Variants in CXorf38 observed in about 807,000 individuals in gnomAD.
CXorf38 encodes chromosome X open reading frame 38, also known as uncharacterized protein CXorf38.
In CXorf38, 13 loss-of-function variants were observed where a neutral mutation model predicts 27.5. That is an observed-to-expected ratio of 0.47 (90% CI 0.31 to 0.75). CXorf38 has a LOEUF of 0.75. Ranked by LOEUF, CXorf38 falls within the 30% of genes least tolerant of loss-of-function variation. CXorf38 has a pLI of 0.05. For synonymous variants in CXorf38, 100 were observed against 99.8 expected (o/e 1.00, Z -0.01); for missense variants, 240 against 253.2 (o/e 0.95, Z 0.35).
At chrX:40,630,260 G>T in intron 6 of CXorf38, 98 bp from the exon 7 acceptor site, 1 of 135,628 alleles carries the variant, frequency 7.4e-6, no homozygotes, top group Non-Finnish European at 1.5e-5. Flanking sequence ...TTCTCCTTAT[G>T]GAAATTGACT....
At chrX:40,630,804 T>C (rs749530173) in intron 5 of CXorf38, 31 bp from the exon 6 acceptor site, 160 of 1,174,065 alleles carry the variant, frequency 1.4e-4, no homozygotes, top group Non-Finnish European at 1.7e-4. Context: ...ATGTACAGCT[T>C]AGACGATTTT....
rs1009828053 is a variant in CXorf38, at chrX:40,647,374, G to A, written c.147C>T (p.Ala49=). 6.8e-6 allele frequency: 8 copies of A among 1,169,746 alleles called. No homozygotes were observed. The highest frequency in any genetic ancestry group is 1.8e-5 in the African/African-American group (1 of 54,142). Residue 49 remains alanine, a synonymous_variant, in exon 1 of 7, where the codon GCC becomes GCT. Coordinates refer to ENST00000327877, the MANE Select transcript of CXorf38 (RefSeq NM_144970.3). The part of the protein sequence containing the change: ...EVLSFHRGLL[A]AAPGLGPRAV... ...CGCGGGGCCCCAGGCCGGGGGCTGCGGCGAGTAGGCCGCGGTGGAAGGAGA... is the reference window on the plus strand; with the variant it reads ...CGCGGGGCCCCAGGCCGGGGGCTGCAGCGAGTAGGCCGCGGTGGAAGGAGA...
chrX:40,634,009 G>GA (rs893782679), intron 5 of CXorf38, among the ~76,000 whole-genome samples: 14 of 109,542 alleles, frequency 1.3e-4, no homozygotes, highest in Non-Finnish European at 1.7e-4. Context: ...CTCCAAAGCA[G>GA]AAAAAAAAAT....
At chrX:40,646,279 T>TG (rs1369494193) in intron 2 of CXorf38, among the ~76,000 whole-genome samples, 6 of 105,488 alleles carry the variant, frequency 5.7e-5, no homozygotes, top group Admixed American at 3.1e-4. Flanking sequence ...GAGCACAAGC[T>TG]GGCCCAGTGT....
rs1489341745 is a variant in CXorf38 at position 40,628,031 on chromosome X, T to C, written c.*2133A>G. 2 of 112,420 alleles carry C rather than the reference T, an allele frequency of 1.8e-5. No individual in the cohort carries two copies. 9.3% of individuals were successfully genotyped at this position (112,420 alleles called of 1,213,427 possible). On this transcript the variant is annotated 3_prime_UTR_variant, in exon 7 of 7. Coordinates refer to ENST00000327877, the MANE Select transcript of CXorf38 (RefSeq NM_144970.3). ...AGATTCCATTTGATCCCAAGTTTTG[T>C]ACCTCACATCTAGAAGCTCTGAAAT...
chrX:40,644,428 G>C (rs764768492), intron 2 of CXorf38, among the ~76,000 whole-genome samples: 1 of 111,823 alleles, frequency 8.9e-6, no homozygotes, highest in African/African-American at 3.3e-5. Flanking sequence ...AAAAGAAGAG[G>C]AAGTATAGTC....
chrX:40,633,550 C>G (rs763266155), intron 5 of CXorf38, among the ~76,000 whole-genome samples: 1 of 111,542 alleles, frequency 9.0e-6, no homozygotes, highest in Non-Finnish European at 1.9e-5. Flanking sequence ...TAAACAGTAT[C>G]TGTCTGTTTC....
intron 5 of CXorf38, among the ~76,000 whole-genome samples, chrX:40,633,848 T>A (rs1359117976): frequency 9.0e-6 from 1 of 111,437 alleles, no homozygotes; most frequent in Non-Finnish European, 1.9e-5. Context: ...GATTTTTTTT[T>A]AACTCCCAGA....
intron 5 of CXorf38, among the ~76,000 whole-genome samples, chrX:40,635,859 C>T (rs1316136867): frequency 1.8e-5 from 2 of 112,190 alleles, no homozygotes. Context: ...CACCTTCACA[C>T]GACTGCAAGA....
At chrX:40,631,723 A>G (rs899117441) in intron 5 of CXorf38, among the ~76,000 whole-genome samples, 2 of 112,277 alleles carry the variant, frequency 1.8e-5, no homozygotes, top group African/African-American at 6.5e-5. Flanking sequence ...TAAACTGCAG[A>G]GCGTACATCA....
At chrX:40,631,781 C>A (rs946139996) in intron 5 of CXorf38, among the ~76,000 whole-genome samples, 3 of 112,074 alleles carry the variant, frequency 2.7e-5, no homozygotes, top group Non-Finnish European at 5.6e-5. Context: ...CAAATACTCA[C>A]GTTATCGTGA....
At chrX:40,641,131 C>G (rs1928302547) in intron 2 of CXorf38, among the ~76,000 whole-genome samples, 1 of 110,271 alleles carries the variant, frequency 9.1e-6, no homozygotes, top group African/African-American at 3.3e-5. Flanking sequence ...ATGGGAAGAT[C>G]ACTTGAGCCC....
At chrX:40,641,877 T>G (rs1177432568) in intron 2 of CXorf38, among the ~76,000 whole-genome samples, 1 of 111,933 alleles carries the variant, frequency 8.9e-6, no homozygotes, top group Non-Finnish European at 1.9e-5. Context: ...CACTGTCTCT[T>G]CGCTGAGTAG....
At chrX:40,640,356 A>T (rs922950548) in intron 2 of CXorf38, 5 of 235,102 alleles carry the variant, frequency 2.1e-5, no homozygotes, top group Non-Finnish European at 3.9e-5. Context: ...AAAAACAACA[A>T]AAAAAACCTC....
chrX:40,647,130 C>T lies in CXorf38; in HGVS notation c.228G>A (p.Gln76=). ...CSPRARQFQP[Q]CQVCAEWKRE... The stretch of plus-strand genomic sequence containing the variant: ...TTTTCCATTCAGCGCACACCTGACA[C>T]TGAGGCTGAAACTACAGGGGGCGGC... The change falls in exon 2 of 7, where the codon CAG becomes CAA. Residue 76 remains glutamine (Q), a synonymous_variant. Coordinates refer to ENST00000327877, the MANE Select transcript of CXorf38 (RefSeq NM_144970.3). 1 of 1,212,050 alleles carries T rather than the reference C, an allele frequency of 8.3e-7. No homozygotes were observed. Among genetic ancestry groups the T allele is most frequent in the Non-Finnish European group, 1.1e-6 (1 of 895,399 alleles).
intron 2 of CXorf38, among the ~76,000 whole-genome samples, chrX:40,640,965 T>C (rs750592903): frequency 6.0e-4 from 57 of 95,783 alleles, no homozygotes; most frequent in African/African-American, 2.0e-3. Flanking sequence ...AAAAAGTCTA[T>C]TATGGATGCT....
rs764768492 is a variant in CXorf38, at chrX:40,644,428, G to A, written c.351+2579C>T. 3.5e-4 allele frequency among the ~76,000 whole-genome samples: 39 copies of A among 111,874 alleles called. No individual in the cohort carries two copies. In the South Asian group the frequency reaches 7.7e-3, roughly 22 times the overall value. On this transcript the variant is annotated intron_variant, in intron 2 of 6. Coordinates refer to ENST00000327877, the MANE Select transcript of CXorf38 (RefSeq NM_144970.3). Reference sequence around the variant, plus strand: ...TAGTTGGTGTTGGCAAAAAGAAGAGGAAGTATAGTCAGCCCTCCATATCCA... The same window carrying A: ...TAGTTGGTGTTGGCAAAAAGAAGAGAAAGTATAGTCAGCCCTCCATATCCA...
intron 2 of CXorf38, chrX:40,639,619 T>C (rs1351226162): frequency 8.7e-6 from 1 of 115,565 alleles, no homozygotes; most frequent in African/African-American, 3.3e-5. Context: ...TTGGTCAAGT[T>C]ACCCTCAGAT....
Position 40,630,761 on chromosome X carries a change from G to T in CXorf38, c.814C>A (p.Leu272Met). The change falls in exon 6 of 7, where the codon CTG becomes ATG. Residue 272 changes from leucine to methionine, a missense_variant. Transcript: ENST00000327877. The part of the protein sequence containing the change: ...EVLPEELSNR[L>M]EVVKEFLRNN... ...CTCAGAAATTCCTTCACCACTTCCA[G>T]TCGATTTGAGAGCTGCAAGAGGAAA... The T allele has an allele frequency of 8.3e-7, 1 of 1,209,141 alleles. No individual in the cohort carries two copies.
Sources: allele counts gnomAD v4.1 joint callset (sites outside exome capture counted in the v4.1 genomes callset), GRCh38; gene constraint gnomAD v4.1.1; transcripts MANE v1.5; gene names NCBI Gene and HGNC (gene_info 2026-07-23, HGNC 2026-07-21).